Variants in CALN1 observed in about 807,000 individuals in gnomAD.
CALN1 encodes the protein calneuron 1.
CALN1 carries 17 observed loss-of-function variants against 30.6 expected under a neutral mutation model. The observed-to-expected ratio is 0.56, with a 90% CI of 0.38 to 0.83. CALN1 has a LOEUF of 0.83. Among genes scored for constraint, CALN1 ranks in the 40% least tolerant of loss-of-function variants. The probability of loss-of-function intolerance (pLI) is 0.00; values close to 1 mark genes in which losing one functional copy is unlikely to be tolerated. For synonymous variants in CALN1, 156 were observed against 131.4 expected, an observed-to-expected ratio of 1.19 and a Z score of -1.28; for missense variants, 291 against 354.9, an observed-to-expected ratio of 0.82 and a Z score of 1.45.
intron 5 of CALN1, among the ~76,000 whole-genome samples, chr7:71,876,752 T>C (rs1307716490): frequency 6.6e-6 from 1 of 152,184 alleles, no homozygotes; most frequent in Admixed American, 6.5e-5. Context: ...GCCATTTTTC[T>C]TACCCAAAGT....
At chr7:72,236,679 T>C (rs1794491124) in intron 3 of CALN1, among the ~76,000 whole-genome samples, 1 of 152,248 alleles carries the variant, frequency 6.6e-6, no homozygotes, top group African/African-American at 2.4e-5. Context: ...GGTTGGATTA[T>C]CTGAACCAAA....
chr7:71,897,965 C>CAA (rs1217388366), intron 5 of CALN1, among the ~76,000 whole-genome samples: 554 of 55,128 alleles, frequency 0.01, 12 homozygotes, highest in African/African-American at 0.027. Context: ...TGGAAAAAAA[C>CAA]AAAAAACAAA....
chr7:71,870,938 A>G (rs1584413320), intron 5 of CALN1, among the ~76,000 whole-genome samples: 1 of 152,146 alleles, frequency 6.6e-6, no homozygotes, highest in African/African-American at 2.4e-5. Context: ...TACACTTCCT[A>G]TAGGCAAGGG....
intron 5 of CALN1, among the ~76,000 whole-genome samples, chr7:71,999,855 AGAT>A (rs980255625): frequency 1.3e-5 from 2 of 152,134 alleles, no homozygotes; most frequent in Admixed American, 6.6e-5. Context: ...TCACCAAGAC[AGAT>A]AATATAAAGG....
chr7:72,002,666 C>T (rs566446473), intron 5 of CALN1, among the ~76,000 whole-genome samples: 15 of 152,210 alleles, frequency 9.9e-5, no homozygotes, highest in African/African-American at 3.1e-4. Flanking sequence ...AATCTACAAA[C>T]GAATCCCTCC....
intron 3 of CALN1, among the ~76,000 whole-genome samples, chr7:72,140,134 G>T (rs1809791828): frequency 6.6e-6 from 1 of 151,796 alleles, no homozygotes; most frequent in Non-Finnish European, 1.5e-5. Context: ...AGCTGGGAGT[G>T]GTGCTGAACA....
At chr7:72,391,525 G>C (rs946198493) in intron 2 of CALN1, among the ~76,000 whole-genome samples, 27 of 152,132 alleles carry the variant, frequency 1.8e-4, no homozygotes, top group African/African-American at 5.3e-4. Flanking sequence ...ATATAATTTG[G>C]CTATGTCCCC....
chr7:72,314,982 A>C (rs982396087), intron 2 of CALN1, among the ~76,000 whole-genome samples: 2 of 87,846 alleles, frequency 2.3e-5, no homozygotes, highest in Admixed American at 1.0e-4. Context: ...CCATCTCTAC[A>C]AAAAAAAAAA....
intron 2 of CALN1, among the ~76,000 whole-genome samples, chr7:72,385,479 C>CCCCACCCAAACCT: frequency 6.6e-6 from 1 of 152,132 alleles, no homozygotes; most frequent in Admixed American, 6.5e-5. Context: ...AAAAGAAATG[C>CCCCACCCAAACCT]CATATTGATA....
intron 2 of CALN1, among the ~76,000 whole-genome samples, chr7:72,361,876 G>A (rs921879104): frequency 2.0e-5 from 3 of 152,028 alleles, no homozygotes; most frequent in Admixed American, 6.6e-5. Flanking sequence ...TAAATTAGTG[G>A]ACATTATACA....
intron 5 of CALN1, among the ~76,000 whole-genome samples, chr7:71,863,333 G>A (rs1237102348): frequency 2.6e-5 from 4 of 151,788 alleles, no homozygotes; most frequent in East Asian, 1.9e-4. Flanking sequence ...CAAGGCAGGC[G>A]GATCACCCGA....
chr7:72,012,346 C>G (rs1459999277), intron 5 of CALN1, among the ~76,000 whole-genome samples: 1 of 152,078 alleles, frequency 6.6e-6, no homozygotes, highest in Non-Finnish European at 1.5e-5. Context: ...AATCCCATTT[C>G]TACTAAAAAT....
At position 72,389,952 on chromosome 7, in the gene CALN1, GA is replaced by G. The variant is rs368706704; in HGVS notation, c.119+13298del. Among the ~76,000 whole-genome samples the G allele has an allele frequency of 6.1e-3, 913 of 150,092 alleles. 13 individuals are homozygous for G. Among genetic ancestry groups the G allele is most frequent in the African/African-American group, 0.021 (838 of 40,858 alleles). ...TAAAAAAAAAAAAGAAGAAAGAAAA[GA>G]AAAAAAAGGGGAGAATTAACAAGCA... is the stretch of plus-strand genomic sequence containing the variant. On this transcript the variant is annotated intron_variant, in intron 2 of 6. Coordinates refer to ENST00000395275, the MANE Select transcript of CALN1 (RefSeq NM_031468.4).
chr7:72,414,998 G>A (rs939681791), upstream of CALN1, among the ~76,000 whole-genome samples: 10 of 152,196 alleles, frequency 6.6e-5, no homozygotes, highest in Non-Finnish European at 1.5e-4. Context: ...GGCTTTATAA[G>A]AGGAAGAGAG....
chr7:72,202,825 A>C (rs1791535274), intron 3 of CALN1, among the ~76,000 whole-genome samples: 1 of 152,206 alleles, frequency 6.6e-6, no homozygotes, highest in Admixed American at 6.5e-5. Context: ...AGAACCAGAA[A>C]TACTATTTTA....
chr7:71,876,701 T>A (rs967553837), intron 5 of CALN1, among the ~76,000 whole-genome samples: 3 of 145,824 alleles, frequency 2.1e-5, no homozygotes, highest in Admixed American at 6.8e-5. Context: ...TGAATCTACA[T>A]AATGTGTTTA....
At chr7:71,838,702 C>T (rs1789761941) in intron 5 of CALN1, among the ~76,000 whole-genome samples, 1 of 152,110 alleles carries the variant, frequency 6.6e-6, no homozygotes, top group South Asian at 2.1e-4. Context: ...GGGAGGTTAC[C>T]CCCATTCTGC....
At chr7:72,279,942 C>A (rs1036374276) in intron 2 of CALN1, among the ~76,000 whole-genome samples, 1 of 152,142 alleles carries the variant, frequency 6.6e-6, no homozygotes, top group African/African-American at 2.4e-5. Flanking sequence ...TGTATCGGAG[C>A]TTCTGGAAAG....
chr7:72,159,076 C>A (rs1157265132), intron 3 of CALN1, among the ~76,000 whole-genome samples: 1 of 151,974 alleles, frequency 6.6e-6, no homozygotes, highest in Non-Finnish European at 1.5e-5. Flanking sequence ...TGGTCTCAAA[C>A]TCCTGACCTC....
Sources: allele counts gnomAD v4.1 joint callset (sites outside exome capture counted in the v4.1 genomes callset), GRCh38; gene constraint gnomAD v4.1.1; transcripts MANE v1.5; gene names NCBI Gene and HGNC (gene_info 2026-07-23, HGNC 2026-07-21).